The following KLHL26 variants were observed in gnomAD, a reference collection of about 807,000 sequenced individuals.
The protein encoded by KLHL26 is kelch-like protein 26.
KLHL26 carries 4 observed loss-of-function variants against 7.1 expected under a neutral mutation model. The observed-to-expected ratio is 0.56, with a 90% CI of 0.28 to 1.28. KLHL26 has a LOEUF of 1.28. Ranked by LOEUF, KLHL26 falls within the 50% of genes most tolerant of loss-of-function variation. KLHL26 has a pLI of 0.11. For synonymous variants in KLHL26, 465 were observed against 414.1 expected (o/e 1.12, Z -1.49); for missense variants, 896 against 924.6 (o/e 0.97, Z 0.40).
chr19:18,661,840 G>A (rs7254743), intron 1 of KLHL26, among the ~76,000 whole-genome samples: 2,383 of 151,658 alleles, frequency 0.016, 28 homozygotes, highest in South Asian at 0.049. Flanking sequence ...TGACTCTTAC[G>A]TCCTTCTAGC....
chr19:18,665,672 C>T (rs544367727), intron 2 of KLHL26, among the ~76,000 whole-genome samples: 5 of 152,310 alleles, frequency 3.3e-5, no homozygotes, highest in South Asian at 2.1e-4. Context: ...GTGGCCGGGC[C>T]GGAAGTGAGA....
rs762438567 is a variant in KLHL26, at chr19:18,667,924, G to T, written c.527G>T (p.Ser176Ile). 1.2e-6 allele frequency: 2 copies of T among 1,611,582 alleles called. No homozygotes were observed. The highest frequency in any genetic ancestry group is 1.3e-5 in the African/African-American group (1 of 75,066). Residue 176 changes from serine to isoleucine, a missense_variant, in exon 3 of 3, where the codon AGC (serine) becomes ATC (isoleucine). Physicochemically the swap from Ser to Ile is moderately radical, Grantham distance 142. Transcript: ENST00000300976. ...LNIGQMATTF[S>I]LASLRESVDA... The stretch of plus-strand genomic sequence containing the variant: ...ATCGGCCAGATGGCCACCACCTTCA[G>T]CCTGGCCTCGCTGCGAGAGTCGGTG...
In KLHL26 at chr19:18,667,893, C is replaced by A; in HGVS notation, c.496C>A (p.Leu166Ile). Residue 166 changes from leucine to isoleucine, a missense_variant, in exon 3 of 3, where the codon CTC becomes ATC. Physicochemically the swap from Leu to Ile is conservative, Grantham distance 5. Transcript: ENST00000300976. ...GGCGGCCATGAGCGTGGAGACCTGC[C>A]TCAACATCGGCCAGATGGCCACCAC... ...LKAAMSVETC[L>I]NIGQMATTFS... 6.2e-7 allele frequency: 1 copy of A among 1,612,620 alleles called. No individual in the cohort carries two copies. The highest frequency in any genetic ancestry group is 8.5e-7 in the Non-Finnish European group (1 of 1,179,998).
chr19:18,670,448 A>G lies in KLHL26; in HGVS notation c.*1203A>G, dbSNP rs1035590887. On this transcript the variant is annotated 3_prime_UTR_variant, in exon 3 of 3. Coordinates refer to ENST00000300976, the MANE Select transcript of KLHL26 (RefSeq NM_018316.3). ...GAATTAACCTCCTATCTTAGCAGAC[A>G]TCGTCTCCTAATATTTCCCTTTATT... 1.7e-4 allele frequency: 26 copies of G among 152,324 alleles called. No individual in the cohort carries two copies. Among genetic ancestry groups the G allele is most frequent in the African/African-American group, 6.0e-4 (25 of 41,572 alleles). 9.4% of individuals were successfully genotyped at this position (152,324 alleles called of 1,614,324 possible). A position where few individuals can be genotyped will look rare whatever the true frequency, so the allele number is the denominator to read the frequency against.
intron 1 of KLHL26, among the ~76,000 whole-genome samples, chr19:18,647,273 A>G (rs1976821311): frequency 6.6e-6 from 1 of 152,174 alleles, no homozygotes; most frequent in Admixed American, 6.5e-5. Context: ...CGTTGTCCGT[A>G]GTTACCGGGG....
rs187782300 is a variant in KLHL26, at chr19:18,665,662, G to A, written c.266+1219G>A. On this transcript the variant is annotated intron_variant, in intron 2 of 2. Coordinates refer to ENST00000300976, the MANE Select transcript of KLHL26 (RefSeq NM_018316.3). ...GGCACTGTCTGTCTGTCCCTGTGCC[G>A]TGGCCGGGCCGGAAGTGAGAGCACC... Among the ~76,000 whole-genome samples the A allele has an allele frequency of 8.0e-3, 1,217 of 152,348 alleles. 13 individuals are homozygous for A. Among genetic ancestry groups the A allele is most frequent in the African/African-American group, 0.028 (1,164 of 41,574 alleles).
At chr19:18,651,361 A>G (rs985900514) in intron 1 of KLHL26, among the ~76,000 whole-genome samples, 1 of 152,094 alleles carries the variant, frequency 6.6e-6, no homozygotes, top group African/African-American at 2.4e-5. Flanking sequence ...ATGAATCCCT[A>G]TGGCCAGGGG....
At chr19:18,666,621 C>T (rs1600710332) in intron 2 of KLHL26, among the ~76,000 whole-genome samples, 1 of 152,146 alleles carries the variant, frequency 6.6e-6, no homozygotes, top group East Asian at 1.9e-4. Flanking sequence ...AAGGGCGGAG[C>T]TGGGGTCTCA....
chr19:18,658,254 G>C (rs1202918624), intron 1 of KLHL26, among the ~76,000 whole-genome samples: 1 of 152,132 alleles, frequency 6.6e-6, no homozygotes, highest in Middle Eastern at 3.2e-3. Context: ...GTCAGAGTGG[G>C]TGGGAAGGGT....
chr19:18,645,728 C>T (rs564164208), intron 1 of KLHL26, among the ~76,000 whole-genome samples: 14 of 151,682 alleles, frequency 9.2e-5, no homozygotes, highest in African/African-American at 3.4e-4. Context: ...AGGAGAATCG[C>T]TTGAACCTGG....
Position 18,669,271 on chromosome 19 carries a change from C to G in KLHL26, c.*26C>G. 1 of 1,569,638 alleles carries G rather than the reference C, an allele frequency of 6.4e-7. No individual in the cohort carries two copies. The highest frequency in any genetic ancestry group is 8.7e-7 in the Non-Finnish European group (1 of 1,153,704). ...CCCCCAAGACCCCCGGGACCCTGGC[C>G]TGACCGCATGTTGTCTCCAAGTGGG... On this transcript the variant is annotated 3_prime_UTR_variant, in exon 3 of 3. Coordinates refer to ENST00000300976, the MANE Select transcript of KLHL26 (RefSeq NM_018316.3).
chr19:18,645,754 A>G (rs1267059190), intron 1 of KLHL26, among the ~76,000 whole-genome samples: 2 of 151,250 alleles, frequency 1.3e-5, no homozygotes, highest in African/African-American at 2.4e-5. Context: ...GGAGGTTGCA[A>G]TGAGCCGAGA....
In KLHL26 at chr19:18,667,680, G is replaced by T. The variant is rs755459180; in HGVS notation, c.283G>T (p.Gly95Cys). ...GCCCTTCAGGGCCATGTTCACCGGCGGCATGCGGGAGGCAAGCCAGGACGT... is the reference window on the plus strand; with the variant it reads ...GCCCTTCAGGGCCATGTTCACCGGCTGCATGCGGGAGGCAAGCCAGGACGT... ...SDYFRAMFTG[G>C]MREASQDVIE... Residue 95 changes from glycine to cysteine, a missense_variant, in exon 3 of 3, where the codon GGC becomes TGC. Gly to Cys is a radical substitution (Grantham distance 159). Coordinates refer to ENST00000300976, the MANE Select transcript of KLHL26 (RefSeq NM_018316.3). 17 of 1,611,382 alleles carry T rather than the reference G, an allele frequency of 1.1e-5. No individual in the cohort carries two copies. The highest frequency in any genetic ancestry group is 5.0e-5 in the Admixed American group (3 of 59,942).
At chr19:18,658,133 G>A (rs918379653) in intron 1 of KLHL26, among the ~76,000 whole-genome samples, 14 of 152,114 alleles carry the variant, frequency 9.2e-5, no homozygotes, top group African/African-American at 1.4e-4. Flanking sequence ...GGGAGCAGGG[G>A]CACGCTGGGC....
At chr19:18,655,673 C>T (rs1600698065) in intron 1 of KLHL26, among the ~76,000 whole-genome samples, 2 of 124,816 alleles carry the variant, frequency 1.6e-5, no homozygotes, top group Non-Finnish European at 3.6e-5. Flanking sequence ...ACATGGAGAG[C>T]CAGGATGGGA....
Position 18,664,375 on chromosome 19 carries a change from GCTGA to G in KLHL26, c.201_204del (p.Thr68LeufsTer38). 1 of 1,609,692 alleles carries G rather than the reference GCTGA, an allele frequency of 6.2e-7. No homozygotes were observed. Among genetic ancestry groups the G allele is most frequent in the Non-Finnish European group, 8.5e-7 (1 of 1,179,766 alleles). On this transcript the variant is annotated frameshift_variant, in exon 2 of 3. Coordinates refer to ENST00000300976, the MANE Select transcript of KLHL26 (RefSeq NM_018316.3). LOFTEE classifies it high-confidence loss of function. ...CTCAGGGCCAGCTCCTCGATGTTGT[GCTGA>G]CTATTAACAGAGAGGCCTTTCCTGC...
At chr19:18,658,615 C>G (rs1475193140) in intron 1 of KLHL26, among the ~76,000 whole-genome samples, 1 of 146,760 alleles carries the variant, frequency 6.8e-6, no homozygotes, top group African/African-American at 2.6e-5. Context: ...CCCTCTCTCC[C>G]TGGGTCTCCG....
intron 1 of KLHL26, among the ~76,000 whole-genome samples, chr19:18,657,001 G>A (rs1344778596): frequency 1.3e-5 from 2 of 151,070 alleles, no homozygotes; most frequent in Non-Finnish European, 3.0e-5. Flanking sequence ...CTGTCCTTCT[G>A]TCTTTGCATC....
At position 18,648,593 on chromosome 19, in the gene KLHL26, G is replaced by A. The variant is rs1568456372; in HGVS notation, c.83+11456G>A. Reference sequence around the variant, plus strand: ...CTTGGAGGCGCCACCTGGCCTAGGGGATTCGCAGCCCTTCCTGTGTTCCAG... The same window carrying A: ...CTTGGAGGCGCCACCTGGCCTAGGGAATTCGCAGCCCTTCCTGTGTTCCAG... On this transcript the variant is annotated intron_variant, in intron 1 of 2. Transcript: ENST00000300976. The surrounding 1 kb of genome is among the most constrained non-coding windows in gnomAD (Gnocchi z 4.9). 6.6e-6 allele frequency among the ~76,000 whole-genome samples: 1 copy of A among 152,214 alleles called. No individual in the cohort carries two copies. The highest frequency in any genetic ancestry group is 1.5e-5 in the Non-Finnish European group (1 of 68,036).
Sources: allele counts gnomAD v4.1 joint callset (sites outside exome capture counted in the v4.1 genomes callset), GRCh38; gene constraint gnomAD v4.1.1; non-coding constraint Gnocchi (gnomAD v3.1); transcripts MANE v1.5; gene names NCBI Gene and HGNC (gene_info 2026-07-23, HGNC 2026-07-21).